PRR14L: variants seen among roughly 807,000 people sequenced by gnomAD.
The protein encoded by PRR14L is proline rich 14 like.
PRR14L carries 80 observed loss-of-function variants against 155.0 expected under a neutral mutation model. The ratio of observed to expected loss-of-function variants is 0.52; its 90% CI spans 0.43 to 0.62. The LOEUF is 0.62. PRR14L is among the 20% of genes least tolerant of loss of function. The probability of loss-of-function intolerance (pLI) is 0.00; values close to 1 mark genes in which losing one functional copy is unlikely to be tolerated. For synonymous variants in PRR14L, 883 were observed against 916.0 expected (o/e 0.96, Z 0.65); for missense variants, 2,469 against 2,548.0 (o/e 0.97, Z 0.67).
In PRR14L at chr22:31,715,841, C is replaced by T. The variant is rs201323737; in HGVS notation, c.1998G>A (p.Leu666=). The T allele has an allele frequency of 2.2e-3, 3,364 of 1,551,560 alleles. 10 individuals are homozygous for T. The highest frequency in any genetic ancestry group is 2.7e-3 in the Non-Finnish European group (3,091 of 1,146,888). The change falls in exon 4 of 9, where the codon TTG becomes TTA. Residue 666 remains leucine, a synonymous_variant. Coordinates refer to ENST00000327423, the MANE Select transcript of PRR14L (RefSeq NM_173566.3). ...TTAAATGCAGTAGAGAGTCAGTTGGCAAATTTGCATGTTCTTGAGAATTAA... is the reference window on the plus strand; with the variant it reads ...TTAAATGCAGTAGAGAGTCAGTTGGTAAATTTGCATGTTCTTGAGAATTAA... The part of the protein sequence containing the change: ...VSLNSQEHAN[L]PTDSLLHLNK...
At chr22:31,702,421 A>G (rs1375911610) in intron 6 of PRR14L, among the ~76,000 whole-genome samples, 3 of 152,014 alleles carry the variant, frequency 2.0e-5, no homozygotes, top group South Asian at 2.1e-4. Context: ...GGGTTTCTCC[A>G]TGTTGGTCAG....
chr22:31,738,589 C>A lies in PRR14L; in HGVS notation c.272G>T (p.Arg91Leu), dbSNP rs902747453. 6.4e-7 allele frequency: 1 copy of A among 1,551,924 alleles called. No homozygotes were observed. The highest frequency in any genetic ancestry group is 1.4e-5 in the African/African-American group (1 of 73,040). Residue 91 changes from arginine (R) to leucine (L), a missense_variant, in exon 2 of 9, where the codon CGA becomes CTA. Transcript: ENST00000327423. ...ETLDHGSEPG[R>L]CGLVDSTAGG... ...TGCTGTGGAGTCCACTAGCCCACAT[C>A]GCCCAGGCTCACTCCCATGATCCAA...
At chr22:31,700,800 C>T (rs779812273) in intron 7 of PRR14L, among the ~76,000 whole-genome samples, 8 of 152,048 alleles carry the variant, frequency 5.3e-5, no homozygotes, top group South Asian at 2.1e-4. Context: ...GTGATCCACC[C>T]GCCTTGGCCT....
rs2074474804 is a variant in PRR14L, at chr22:31,684,888, T to G, written c.*639A>C. The G allele has an allele frequency of 6.6e-6, 1 of 152,118 alleles. No homozygotes were observed. The highest frequency in any genetic ancestry group is 6.6e-5 in the Admixed American group (1 of 15,240). 9.4% of individuals were successfully genotyped at this position (152,118 alleles called of 1,614,324 possible). ...ATTAAAAAGTGCAACTTACTTCGAATGGGGCCTGGACGGGCTCCTCTGGCA... is the reference window on the plus strand; with the variant it reads ...ATTAAAAAGTGCAACTTACTTCGAAGGGGGCCTGGACGGGCTCCTCTGGCA... On this transcript the variant is annotated 3_prime_UTR_variant, in exon 9 of 9. Coordinates refer to ENST00000327423, the MANE Select transcript of PRR14L (RefSeq NM_173566.3).
intron 7 of PRR14L, among the ~76,000 whole-genome samples, chr22:31,689,660 G>A (rs573416585): frequency 4.6e-5 from 7 of 152,252 alleles, no homozygotes; most frequent in Admixed American, 4.6e-4. Flanking sequence ...AACTTCCTGG[G>A]CTGGGCTCAA....
chr22:31,722,524 GTTTTT>G (rs1227976831), intron 3 of PRR14L, among the ~76,000 whole-genome samples: 1 of 138,212 alleles, frequency 7.2e-6, no homozygotes, highest in Non-Finnish European at 1.6e-5. Flanking sequence ...GCATCATTCA[GTTTTT>G]TTTTTTTTTT....
intron 2 of PRR14L, among the ~76,000 whole-genome samples, chr22:31,729,423 T>C (rs1037493984): frequency 6.6e-6 from 1 of 152,010 alleles, no homozygotes; most frequent in African/African-American, 2.4e-5. Context: ...TTCACCGTAT[T>C]AGCCAGGATG....
chr22:31,696,742 A>T (rs1569497422), intron 7 of PRR14L, among the ~76,000 whole-genome samples: 2 of 152,224 alleles, frequency 1.3e-5, no homozygotes, highest in African/African-American at 2.4e-5. Flanking sequence ...GATTAATGAA[A>T]TCACCATAAA....
Position 31,717,217 on chromosome 22 carries a change from T to C in PRR14L, c.622A>G (p.Lys208Glu), listed in dbSNP as rs749355052. Residue 208 changes from lysine (K) to glutamate (E), a missense_variant, in exon 4 of 9, where the codon AAG becomes GAG. Around this residue, in one of 2 missense-constraint regions of PRR14L, gnomAD observed 2,363 missense variants for 2,371.6 expected, o/e 1.00. Transcript: ENST00000327423. The part of the protein sequence containing the change: ...EVQGMKVNGT[K>E]TDNNEGHKNG... ...TTGTGTCCTTCATTATTATCCGTCT[T>C]AGTCCCATTGACCTTCATACCTTGT... The C allele has an allele frequency of 1.3e-6, 2 of 1,552,040 alleles. No homozygotes were observed. Among genetic ancestry groups the C allele is most frequent in the South Asian group, 2.4e-5 (2 of 84,062 alleles).
At chr22:31,691,248 T>C (rs1601491420) in intron 7 of PRR14L, among the ~76,000 whole-genome samples, 3 of 152,280 alleles carry the variant, frequency 2.0e-5, no homozygotes, top group East Asian at 3.9e-4. Flanking sequence ...ATCACAGGCA[T>C]GTCGGGCTAA....
Position 31,703,721 on chromosome 22 carries a change from C to A in PRR14L, c.5829G>T (p.Arg1943Ser). 1 of 1,539,500 alleles carries A rather than the reference C, an allele frequency of 6.5e-7. No individual in the cohort carries two copies. Among genetic ancestry groups the A allele is most frequent in the Non-Finnish European group, 8.8e-7 (1 of 1,140,744 alleles). Reference protein sequence around the residue: ...ATYNTSGSQTRLEPPFPALVP... With the variant: ...ATYNTSGSQTSLEPPFPALVP... ...CCAAGGCAGGGAATGGAGGCTCCAG[C>A]CTAGCACCATGAAGAGAAAGAAGAT... The change falls in exon 6 of 9, where the codon AGG becomes AGT. Residue 1943 changes from arginine (R) to serine (S), a missense_variant and splice_region_variant. By Grantham distance (110) the Arg-to-Ser change is moderately radical. Coordinates refer to ENST00000327423, the MANE Select transcript of PRR14L (RefSeq NM_173566.3).
intron 7 of PRR14L, among the ~76,000 whole-genome samples, chr22:31,689,730 C>T (rs1171948943): frequency 2.6e-5 from 4 of 151,864 alleles, no homozygotes; most frequent in East Asian, 1.9e-4. Flanking sequence ...CCACCACAGC[C>T]GGCTTATTTT....
intron 1 of PRR14L, among the ~76,000 whole-genome samples, chr22:31,740,370 C>T (rs1601518393): frequency 6.6e-6 from 1 of 152,192 alleles, no homozygotes; most frequent in Non-Finnish European, 1.5e-5. Flanking sequence ...CAGGCGTGTG[C>T]CACCACGCCC....
chr22:31,685,916 A>G (rs2074479865), intron 8 of PRR14L, 113 bp from the exon 9 acceptor site: 1 of 937,868 alleles, frequency 1.1e-6, no homozygotes, highest in Admixed American at 2.9e-5. Flanking sequence ...ACAGGGACTG[A>G]AAGCTACTTG....
At chr22:31,687,415 G>A (rs895165984) in intron 8 of PRR14L, among the ~76,000 whole-genome samples, 1 of 149,346 alleles carries the variant, frequency 6.7e-6, no homozygotes, top group Non-Finnish European at 1.5e-5. Flanking sequence ...GTGCAGTGGT[G>A]TGATCTTAGC....
chr22:31,688,248 A>G (rs200963411), intron 7 of PRR14L, 21 bp from the exon 8 acceptor site: 19 of 1,560,262 alleles, frequency 1.2e-5, no homozygotes, highest in Non-Finnish European at 1.0e-5. Context: ...ATAAGGAAAA[A>G]AATTCTTCAG....
intron 1 of PRR14L, among the ~76,000 whole-genome samples, chr22:31,746,671 AACTG>A (rs552024366): frequency 3.1e-4 from 47 of 152,340 alleles, no homozygotes; most frequent in African/African-American, 9.1e-4. Context: ...TATTCCCAAA[AACTG>A]ACTAATACTT....
intron 4 of PRR14L, among the ~76,000 whole-genome samples, chr22:31,711,531 A>G (rs1601502309): frequency 6.6e-6 from 1 of 152,036 alleles, no homozygotes; most frequent in Non-Finnish European, 1.5e-5. Context: ...ATGCAATCCT[A>G]GCACTTTGGG....
chr22:31,730,034 C>T (rs573182175), intron 2 of PRR14L, among the ~76,000 whole-genome samples: 42 of 151,728 alleles, frequency 2.8e-4, no homozygotes, highest in African/African-American at 9.7e-4. Flanking sequence ...GTAGTCCCAG[C>T]TACTTGGGAA....
Sources: allele counts gnomAD v4.1 joint callset (sites outside exome capture counted in the v4.1 genomes callset), GRCh38; gene constraint gnomAD v4.1.1; regional missense constraint gnomAD v4.1.1; transcripts MANE v1.5; gene names NCBI Gene and HGNC (gene_info 2026-07-23, HGNC 2026-07-21).